The following DDHD1 variants were observed in gnomAD, a reference collection of about 807,000 sequenced individuals.
DDHD1 encodes DDHD domain containing 1, also known as phospholipase DDHD1.
DDHD1 carries 49 observed loss-of-function variants against 96.4 expected under a neutral mutation model. The ratio of observed to expected loss-of-function variants is 0.51; its 90% CI spans 0.40 to 0.64. The LOEUF (loss-of-function observed/expected upper bound fraction) is 0.64. Ranked by LOEUF, DDHD1 falls within the 30% of genes least tolerant of loss-of-function variation. The pLI is 0.00. For synonymous variants in DDHD1, 442 were observed against 446.5 expected (o/e 0.99, Z 0.13); for missense variants, 1,106 against 1,161.2 (o/e 0.95, Z 0.69).
chr14:53,076,488 G>A (rs1434124508), intron 4 of DDHD1, among the ~76,000 whole-genome samples: 1 of 152,162 alleles, frequency 6.6e-6, no homozygotes, highest in African/African-American at 2.4e-5. Context: ...TGGACTCTTG[G>A]TGAAGATGTG....
At chr14:53,047,307 C>A (rs996897635) in intron 12 of DDHD1, among the ~76,000 whole-genome samples, 3 of 152,164 alleles carry the variant, frequency 2.0e-5, no homozygotes, top group African/African-American at 7.2e-5. Context: ...GGAAAACACC[C>A]CTCTTGAAGA....
intron 1 of DDHD1, chr14:53,149,871 A>C (rs1199305603): frequency 6.6e-6 from 1 of 152,154 alleles, no homozygotes; most frequent in East Asian, 1.9e-4. Flanking sequence ...CCAACTCTCC[A>C]GCTCAACTTT....
intron 1 of DDHD1, among the ~76,000 whole-genome samples, chr14:53,116,475 A>C (rs1479287877): frequency 6.6e-6 from 1 of 152,226 alleles, no homozygotes; most frequent in African/African-American, 2.4e-5. Context: ...AATTGGAAGT[A>C]AAACAATCCT....
chr14:53,072,632 T>C lies in DDHD1; in HGVS notation c.1468A>G (p.Ile490Val). 6.2e-7 allele frequency: 1 copy of C among 1,608,346 alleles called. No homozygotes were observed. Among genetic ancestry groups the C allele is most frequent in the African/African-American group, 1.3e-5 (1 of 74,934 alleles). ...TAAAGTGGACTAGTATAATACATTA[T>C]GTCCATTGCACTGCTGTTCAGCATA... ...RDMLNSSAMD[I>V]MYYTSPLYRD... Residue 490 changes from isoleucine (I) to valine (V), a missense_variant, in exon 6 of 13, where the codon ATA (isoleucine) becomes GTA (valine). Transcript: ENST00000673822.
intron 2 of DDHD1, among the ~76,000 whole-genome samples, chr14:53,097,921 T>A (rs1887006513): frequency 6.6e-6 from 1 of 151,986 alleles, no homozygotes; most frequent in Admixed American, 6.6e-5. Flanking sequence ...TTCACAAAAT[T>A]AAACAGACAT....
intron 6 of DDHD1, among the ~76,000 whole-genome samples, chr14:53,070,385 CTT>C (rs1368166785): frequency 6.6e-6 from 1 of 152,286 alleles, no homozygotes; most frequent in Admixed American, 6.5e-5. Context: ...TCATCTGTCT[CTT>C]CTCTTCCTGT....
At chr14:53,083,553 A>G (rs529980005) in intron 4 of DDHD1, among the ~76,000 whole-genome samples, 2 of 152,344 alleles carry the variant, frequency 1.3e-5, no homozygotes, top group African/African-American at 2.4e-5. Flanking sequence ...AATCATTAGC[A>G]AGTTTGCTAA....
chr14:53,064,434 T>C (rs921145184), intron 6 of DDHD1, among the ~76,000 whole-genome samples: 1 of 152,084 alleles, frequency 6.6e-6, no homozygotes, highest in Admixed American at 6.6e-5. Flanking sequence ...CTTACTCCCA[T>C]ATTAAAGTTT....
rs60569444 is a variant in DDHD1 at position 53,086,972 on chromosome 14, C to CA, written c.1289+4812dup. On this transcript the variant is annotated intron_variant, in intron 4 of 12. Transcript: ENST00000673822. ...GAAGCTCAACCAAGCAAATGAAAAG[C>CA]AAAAAAAAAAAAAAAAAAAAAAGCA... Among the ~76,000 whole-genome samples the CA allele has an allele frequency of 3.9e-3, 206 of 52,216 alleles. 6 individuals carry two copies. The highest frequency in any genetic ancestry group is 5.7e-3 in the Non-Finnish European group (161 of 28,098). 34.3% of individuals were successfully genotyped at this position (52,216 alleles called of 152,430 possible). A position where few individuals can be genotyped will look rare whatever the true frequency, so the allele number is the denominator to read the frequency against.
chr14:53,118,133 A>T (rs988333883), intron 1 of DDHD1, among the ~76,000 whole-genome samples: 1 of 152,186 alleles, frequency 6.6e-6, no homozygotes, highest in East Asian at 1.9e-4. Flanking sequence ...CAAAAAGGAC[A>T]TCCACACCAA....
intron 1 of DDHD1, among the ~76,000 whole-genome samples, chr14:53,111,529 C>CTGTA (rs1401296087): frequency 5.9e-5 from 9 of 152,196 alleles, no homozygotes; most frequent in African/African-American, 2.2e-4. Context: ...TACCTGTGTA[C>CTGTA]TGTAGACTTT....
At chr14:53,124,945 G>A (rs1414019100) in intron 1 of DDHD1, among the ~76,000 whole-genome samples, 3 of 152,102 alleles carry the variant, frequency 2.0e-5, no homozygotes, top group Admixed American at 6.6e-5. Flanking sequence ...TCTTCTTGCT[G>A]TGTCTTCTTA....
rs1881818887 is a variant in DDHD1 at position 53,043,692 on chromosome 14, T to C, written c.*3076A>G. On this transcript the variant is annotated 3_prime_UTR_variant, in exon 13 of 13. Transcript: ENST00000673822. ...ATCTTCCCTGCTTGGCCTCCCAAAGTGCTGGGATTACAGGCATGAGCTGCC... is the reference window on the plus strand; with the variant it reads ...ATCTTCCCTGCTTGGCCTCCCAAAGCGCTGGGATTACAGGCATGAGCTGCC... 1 of 152,208 alleles carries C rather than the reference T, an allele frequency of 6.6e-6. No individual in the cohort carries two copies. Among genetic ancestry groups the C allele is most frequent in the Non-Finnish European group, 1.5e-5 (1 of 68,066 alleles). 9.4% of individuals were successfully genotyped at this position (152,208 alleles called of 1,614,324 possible). A position where few individuals can be genotyped will look rare whatever the true frequency, so the allele number is the denominator to read the frequency against.
chr14:53,104,930 G>A (rs1176576530), intron 1 of DDHD1, among the ~76,000 whole-genome samples: 1 of 151,902 alleles, frequency 6.6e-6, no homozygotes, highest in Non-Finnish European at 1.5e-5. Context: ...ATAAAATATG[G>A]AGAAAAAGAA....
At chr14:53,099,627 A>G (rs757682435) in intron 2 of DDHD1, among the ~76,000 whole-genome samples, 5 of 152,236 alleles carry the variant, frequency 3.3e-5, no homozygotes, top group East Asian at 1.9e-4. Context: ...GTTTGGATCA[A>G]TAAGATGTAA....
intron 2 of DDHD1, among the ~76,000 whole-genome samples, chr14:53,095,128 G>T (rs139961155): frequency 2.8e-4 from 43 of 152,230 alleles, no homozygotes; most frequent in South Asian, 1.0e-3. Context: ...CTTATGTTTT[G>T]AGGACCTTAA....
chr14:53,123,131 TTATTATTA>T (rs1320541604), intron 1 of DDHD1, among the ~76,000 whole-genome samples: 2 of 139,954 alleles, frequency 1.4e-5, no homozygotes, highest in African/African-American at 5.0e-5. Flanking sequence ...ATTATTATTA[TTATTATTA>T]TTATTATTAT....
chr14:53,063,286 G>A, intron 6 of DDHD1, 81 bp from the exon 7 acceptor site: 1 of 1,462,172 alleles, frequency 6.8e-7, no homozygotes, highest in South Asian at 1.3e-5. Context: ...ATACATTAAG[G>A]TAGAAAAACA....
chr14:53,047,243 T>C (rs756908600), intron 12 of DDHD1, among the ~76,000 whole-genome samples: 8 of 152,124 alleles, frequency 5.3e-5, no homozygotes, highest in Non-Finnish European at 1.2e-4. Flanking sequence ...TTAAAAAAAT[T>C]GCTTTCAAAA....
Sources: allele counts gnomAD v4.1 joint callset (sites outside exome capture counted in the v4.1 genomes callset), GRCh38; gene constraint gnomAD v4.1.1; transcripts MANE v1.5; gene names NCBI Gene and HGNC (gene_info 2026-07-23, HGNC 2026-07-21).